Variants in TSPAN14 observed in about 807,000 individuals in gnomAD.
TSPAN14 encodes tetraspanin-14.
A neutral mutation model predicts 36.6 loss-of-function variants in TSPAN14; 16 were observed. That is an observed-to-expected ratio of 0.44 (90% confidence interval 0.30 to 0.66). TSPAN14 has a LOEUF of 0.66. Ranked by LOEUF, TSPAN14 falls within the 30% of genes least tolerant of loss-of-function variation. The pLI is 0.12. For missense variants in TSPAN14, 231 were observed against 355.1 expected, an observed-to-expected ratio of 0.65 and a Z score of 2.81; for synonymous variants, 139 against 143.8, an observed-to-expected ratio of 0.97 and a Z score of 0.24.
chr10:80,491,667 G>T (rs1475451770), intron 2 of TSPAN14, among the ~76,000 whole-genome samples: 29 of 152,222 alleles, frequency 1.9e-4, no homozygotes, highest in African/African-American at 6.5e-4. Context: ...TCCAGTAGTG[G>T]AGTGCATGAA....
chr10:80,458,164 G>T (rs1845813936), intron 1 of TSPAN14, among the ~76,000 whole-genome samples: 1 of 152,208 alleles, frequency 6.6e-6, no homozygotes, highest in African/African-American at 2.4e-5. Flanking sequence ...ACCCAGGCAG[G>T]CCTGGTCCTC....
intron 2 of TSPAN14, among the ~76,000 whole-genome samples, chr10:80,494,595 C>T (rs574715162): frequency 2.0e-5 from 3 of 152,254 alleles, no homozygotes; most frequent in Non-Finnish European, 4.4e-5. Flanking sequence ...GAGGACTTGC[C>T]ACCTCCCAGG....
intron 1 of TSPAN14, among the ~76,000 whole-genome samples, chr10:80,475,805 T>A (rs930655509): frequency 6.6e-6 from 1 of 152,168 alleles, no homozygotes; most frequent in African/African-American, 2.4e-5. Flanking sequence ...CAGGCCAGTC[T>A]TGGACTCCTG....
intron 7 of TSPAN14, 80 bp from the exon 8 acceptor site, chr10:80,516,124 C>G: frequency 6.2e-7 from 1 of 1,604,708 alleles, no homozygotes; most frequent in South Asian, 1.1e-5. Context: ...TTGCCCTGCT[C>G]CTTACCAGAG....
intron 1 of TSPAN14, among the ~76,000 whole-genome samples, chr10:80,457,017 G>A (rs993582982): frequency 4.6e-5 from 7 of 151,996 alleles, no homozygotes; most frequent in Admixed American, 2.0e-4. Context: ...AGCTGAGATC[G>A]CGCCGTTGCA....
chr10:80,508,684 G>A (rs574039461), intron 4 of TSPAN14, among the ~76,000 whole-genome samples: 1 of 152,152 alleles, frequency 6.6e-6, no homozygotes, highest in South Asian at 2.1e-4. Context: ...GATAACATTG[G>A]CACTTCCAGA....
At chr10:80,471,002 G>T (rs1846518315) in intron 1 of TSPAN14, among the ~76,000 whole-genome samples, 1 of 152,182 alleles carries the variant, frequency 6.6e-6, no homozygotes, top group Non-Finnish European at 1.5e-5. Flanking sequence ...TTCTAGATGT[G>T]CTGCCCTCAT....
At chr10:80,518,683 G>T (rs985829787) in exon 9 of TSPAN14, 7 of 152,870 alleles carry the variant, frequency 4.6e-5, no homozygotes, top group Non-Finnish European at 8.8e-5. Context: ...ATAGCATTAA[G>T]CCCTGATGGC....
intron 1 of TSPAN14, among the ~76,000 whole-genome samples, chr10:80,456,179 A>G (rs1333869959): frequency 6.6e-6 from 1 of 152,190 alleles, no homozygotes; most frequent in Non-Finnish European, 1.5e-5. Flanking sequence ...CAGGCTGGAC[A>G]TGGCATAGGT....
chr10:80,515,958 C>T (rs1840917197), intron 7 of TSPAN14: 1 of 520,854 alleles, frequency 1.9e-6, no homozygotes, highest in South Asian at 2.9e-5. Context: ...CTTTAAATCT[C>T]TGGAGACCTG....
At chr10:80,474,119 G>A (rs925302275) in intron 1 of TSPAN14, among the ~76,000 whole-genome samples, 1 of 152,026 alleles carries the variant, frequency 6.6e-6, no homozygotes, top group African/African-American at 2.4e-5. Context: ...TGCTACTAGA[G>A]GTGCAGCAGA....
exon 3 of TSPAN14, chr10:80,504,766 A>T (rs753938432): frequency 1.2e-6 from 2 of 1,614,038 alleles, no homozygotes; most frequent in African/African-American, 2.7e-5. Flanking sequence ...GGCTGTGGGC[A>T]TGGAGCGAAA....
intron 1 of TSPAN14, among the ~76,000 whole-genome samples, chr10:80,456,420 A>T (rs1045439886): frequency 7.2e-5 from 11 of 152,138 alleles, no homozygotes; most frequent in African/African-American, 2.7e-4. Context: ...CTCATGTAGG[A>T]AGTGGCAGTA....
At chr10:80,515,760 G>A (rs987102642) in intron 7 of TSPAN14, 1 of 166,174 alleles carries the variant, frequency 6.0e-6, no homozygotes, top group African/African-American at 2.4e-5. Context: ...TGCTGGCTCT[G>A]TCTCCTGGAG....
chr10:80,495,081 G>T (rs1460605935), intron 2 of TSPAN14, among the ~76,000 whole-genome samples: 3 of 152,120 alleles, frequency 2.0e-5, no homozygotes, highest in African/African-American at 7.2e-5. Flanking sequence ...TGTATTTTTA[G>T]AAATTCCCAT....
In TSPAN14 at chr10:80,500,083, T is replaced by A. The variant is rs374899148; in HGVS notation, c.82-4645T>A. 7.9e-5 allele frequency among the ~76,000 whole-genome samples: 12 copies of A among 152,224 alleles called. No homozygotes were observed. The East Asian group carries it at 1.7e-3, about 22-fold the overall frequency. ...GGGTGAAGCGGGCCAATGACCCAGT[T>A]CATTCATGGGACCGTTATGTGAGCT... On this transcript the variant is annotated intron_variant, in intron 2 of 8. Transcript: ENST00000429989.
At chr10:80,520,731 T>C in exon 9 of TSPAN14, 1 of 533,516 alleles carries the variant, frequency 1.9e-6, no homozygotes, top group South Asian at 1.4e-5. Context: ...TTATCTGGGC[T>C]GTCTGTACCC....
rs551826509 is a variant in TSPAN14 at position 80,462,113 on chromosome 10, C to T, written c.-18+7742C>T. Among the ~76,000 whole-genome samples the T allele has an allele frequency of 3.3e-5, 5 of 152,200 alleles. No homozygotes were observed. In the East Asian group the frequency reaches 9.7e-4, roughly 29 times the overall value. On this transcript the variant is annotated intron_variant, in intron 1 of 8. Coordinates refer to ENST00000429989, the Ensembl canonical transcript of TSPAN14. ...AATTTTTTGTAGAGATTGGATCTTG[C>T]TATGTTGCCTAGGCTGGTGTCAAAC...
chr10:80,517,648 T>A lies in TSPAN14; in HGVS notation c.742-257T>A, dbSNP rs1044374718. ...ATCATGTTGGAGGCAGGACAGAGTGTCTGTTTTGCTTGTGGTGCCTGTGGT... is the reference window on the plus strand; with the variant it reads ...ATCATGTTGGAGGCAGGACAGAGTGACTGTTTTGCTTGTGGTGCCTGTGGT... On this transcript the variant is annotated intron_variant, in intron 8 of 8. Coordinates refer to ENST00000429989, the Ensembl canonical transcript of TSPAN14. 6.8e-4 allele frequency among the ~76,000 whole-genome samples: 104 copies of A among 152,296 alleles called. 1 individual carries two copies. The highest frequency in any genetic ancestry group is 6.5e-3 in the Admixed American group (99 of 15,302).
Sources: allele counts gnomAD v4.1 joint callset (sites outside exome capture counted in the v4.1 genomes callset), GRCh38; gene constraint gnomAD v4.1.1; transcripts MANE v1.5; gene names NCBI Gene and HGNC (gene_info 2026-07-23, HGNC 2026-07-21).